Variants in COL4A5 observed in about 807,000 individuals in gnomAD.
COL4A5 encodes collagen alpha-5(IV) chain.
A neutral mutation model predicts 130.2 loss-of-function variants in COL4A5; 26 were observed. That is an observed-to-expected ratio of 0.20 (90% CI 0.15 to 0.28). COL4A5 has a LOEUF of 0.28. Among genes scored for constraint, COL4A5 ranks in the 10% least tolerant of loss-of-function variants. COL4A5 has a pLI of 1.00. For missense variants in COL4A5, 1,131 were observed against 1,344.3 expected (o/e 0.84, Z 2.48); for synonymous variants, 496 against 439.6 (o/e 1.13, Z -1.60).
intron 1 of COL4A5, among the ~76,000 whole-genome samples, chrX:108,538,845 A>G (rs1160850333): frequency 8.9e-6 from 1 of 111,843 alleles, no homozygotes; most frequent in African/African-American, 3.2e-5. Context: ...CACATACTGT[A>G]TTCTTTTCCT....
At chrX:108,559,793 C>T (rs2065876839) in intron 3 of COL4A5, among the ~76,000 whole-genome samples, 1 of 112,015 alleles carries the variant, frequency 8.9e-6, no homozygotes, top group African/African-American at 3.2e-5. Context: ...AAGGTCTCCA[C>T]CAAAAGAGGC....
intron 2 of COL4A5, among the ~76,000 whole-genome samples, chrX:108,541,470 G>A (rs1229830229): frequency 1.8e-5 from 2 of 112,190 alleles, no homozygotes; most frequent in East Asian, 5.6e-4. Flanking sequence ...CATTTATATG[G>A]CTTTTCCCCT....
At chrX:108,656,327 G>T (rs1157193502) in intron 37 of COL4A5, among the ~76,000 whole-genome samples, 2 of 111,618 alleles carry the variant, frequency 1.8e-5, no homozygotes, top group African/African-American at 3.3e-5. Context: ...TTTGTTACAC[G>T]TGTCAGTAGT....
intron 44 of COL4A5, among the ~76,000 whole-genome samples, chrX:108,678,668 C>G (rs1366033094): frequency 9.0e-6 from 1 of 111,075 alleles, no homozygotes. Flanking sequence ...GAATTTGAGA[C>G]GAGCCTGGAC....
intron 21 of COL4A5, among the ~76,000 whole-genome samples, chrX:108,591,994 A>G (rs902941140): frequency 9.0e-6 from 1 of 111,454 alleles, no homozygotes; most frequent in African/African-American, 3.3e-5. Flanking sequence ...CCATTCATAA[A>G]TCCATGATTC....
At chrX:108,617,916 T>G (rs766642200) in intron 30 of COL4A5, among the ~76,000 whole-genome samples, 5 of 112,170 alleles carry the variant, frequency 4.5e-5, no homozygotes, top group Non-Finnish European at 7.5e-5. Flanking sequence ...TATGAATTAT[T>G]CATGTCATTT....
At chrX:108,603,737 A>C (rs750275014) in intron 28 of COL4A5, among the ~76,000 whole-genome samples, 8 of 111,825 alleles carry the variant, frequency 7.2e-5, no homozygotes, top group Non-Finnish European at 1.1e-4. Context: ...TCTCTGCAGC[A>C]TGTGGTGCTG....
intron 49 of COL4A5, among the ~76,000 whole-genome samples, chrX:108,690,329 T>A (rs1180241493): frequency 9.0e-6 from 1 of 111,429 alleles, no homozygotes; most frequent in Admixed American, 9.6e-5. Context: ...TCTTAACGAG[T>A]TTTTGAAAGG....
rs759734401 is a variant in COL4A5, at chrX:108,558,903, C to A, written c.142-161C>A. 9.8e-5 allele frequency among the ~76,000 whole-genome samples: 11 copies of A among 112,453 alleles called. 1 individual carries two copies. The South Asian group carries it at 4.0e-3, about 41-fold the overall frequency. On this transcript the variant is annotated intron_variant, in intron 2 of 52. Transcript: ENST00000328300. ...CCAGACGGTTTGTGTTTTCTCCCCC[C>A]ACATCTTAACAGGTTTTCCCATGTT...
chrX:108,607,650 A>T (rs1015188140), intron 29 of COL4A5, among the ~76,000 whole-genome samples: 1 of 108,553 alleles, frequency 9.2e-6, no homozygotes, highest in Non-Finnish European at 1.9e-5. Flanking sequence ...GGCCCAGCTA[A>T]TTTTTGTATT....
At chrX:108,695,030 C>A (rs2068709979) in intron 51 of COL4A5, 109 bp downstream of exon 51, 2 of 683,927 alleles carry the variant, frequency 2.9e-6, no homozygotes, top group East Asian at 6.6e-5. Context: ...GAAGCTTAAA[C>A]TTCAAACAGC....
At chrX:108,569,964 G>C (rs1468517435) in intron 6 of COL4A5, among the ~76,000 whole-genome samples, 1 of 111,516 alleles carries the variant, frequency 9.0e-6, no homozygotes, top group Non-Finnish European at 1.9e-5. Flanking sequence ...ACAGGTGCGA[G>C]CCACCGCGCC....
At position 108,655,353 on chromosome X, in the gene COL4A5, A is replaced by T; in HGVS notation, c.3269A>T (p.Tyr1090Phe). Residue 1090 changes from tyrosine to phenylalanine, a missense_variant, in exon 37 of 53, where the codon TAC becomes TTC. Coordinates refer to ENST00000328300, the MANE Select transcript of COL4A5 (RefSeq NM_033380.3). ...CAGGGTGAGCCTGGTCTGCCTGGAT[A>T]CCCAGGGAACCCTGGTATCAAAGGT... ...GPKGEPGLPG[Y>F]PGNPGIKGSV... The T allele has an allele frequency of 1.7e-6, 2 of 1,210,062 alleles. No homozygotes were observed. The highest frequency in any genetic ancestry group is 2.2e-6 in the Non-Finnish European group (2 of 894,598).
intron 1 of COL4A5, among the ~76,000 whole-genome samples, chrX:108,508,866 G>T (rs2065154102): frequency 8.9e-6 from 1 of 111,853 alleles, no homozygotes; most frequent in African/African-American, 3.3e-5. Context: ...ATAAGCAGAA[G>T]ATTGAAATTG....
Position 108,670,507 on chromosome X carries a change from A to G in COL4A5, c.3799+271A>G, listed in dbSNP as rs940132780. Among the ~76,000 whole-genome samples, 17 of 112,208 alleles carry G rather than the reference A, an allele frequency of 1.5e-4. No individual in the cohort carries two copies. The Admixed American group carries it at 1.6e-3, about 11-fold the overall frequency. On this transcript the variant is annotated intron_variant, in intron 42 of 52. Transcript: ENST00000328300. ...TTTCAGTTGAAAATCTGTAGTACCG[A>G]AAACAGCCTTACATATTCTACCTTT...
intron 1 of COL4A5, among the ~76,000 whole-genome samples, chrX:108,494,768 C>A (rs749566135): frequency 2.2e-4 from 25 of 111,226 alleles, no homozygotes; most frequent in African/African-American, 4.2e-4. Flanking sequence ...GCAAATTTTG[C>A]GCAGTTAACA....
Position 108,658,218 on chromosome X carries a change from T to C in COL4A5, c.3373+2761T>C, listed in dbSNP as rs748264248. On this transcript the variant is annotated intron_variant, in intron 37 of 52. Coordinates refer to ENST00000328300, the MANE Select transcript of COL4A5 (RefSeq NM_033380.3). ...TCTGAATCTACAGAGATGATAATTG[T>C]TTTTTCTCCTTTACTCTTGATATAA... 1.7e-3 allele frequency among the ~76,000 whole-genome samples: 186 copies of C among 111,577 alleles called. 1 individual carries two copies. Among genetic ancestry groups the C allele is most frequent in the Non-Finnish European group, 3.2e-4 (17 of 52,807 alleles).
chrX:108,507,888 C>G (rs926739144), intron 1 of COL4A5, among the ~76,000 whole-genome samples: 8 of 111,476 alleles, frequency 7.2e-5, no homozygotes, highest in African/African-American at 2.6e-4. Flanking sequence ...GAACATGCCT[C>G]AAAATAATAA....
At chrX:108,504,370 AC>A (rs1285879435) in intron 1 of COL4A5, among the ~76,000 whole-genome samples, 1 of 112,091 alleles carries the variant, frequency 8.9e-6, no homozygotes, top group African/African-American at 3.2e-5. Flanking sequence ...TGTAACAAAA[AC>A]AAAAATAAAT....
Sources: gnomAD v4.1 joint callset for allele counts (sites outside exome capture counted in the v4.1 genomes callset) on GRCh38, gnomAD v4.1.1 for gene constraint, MANE v1.5 for transcripts, NCBI Gene and HGNC (gene_info 2026-07-23, HGNC 2026-07-21) for gene names.